The following TSPEAR variants were observed in gnomAD, a reference collection of about 807,000 sequenced individuals.
TSPEAR encodes thrombospondin type laminin G domain and EAR repeats.
Under a neutral mutation model 71.6 loss-of-function variants are expected in TSPEAR, and 69 were observed. The ratio of observed to expected loss-of-function variants is 0.96; its 90% CI spans 0.79 to 1.18. The LOEUF is 1.18. Ranked by LOEUF, TSPEAR falls within the 50% of genes most tolerant of loss-of-function variation. The pLI, the probability that TSPEAR is intolerant of heterozygous loss-of-function variation, is 0.00. For missense variants in TSPEAR, 971 were observed against 894.9 expected (o/e 1.09, Z -1.09); for synonymous variants, 402 against 387.2 (o/e 1.04, Z -0.45).
At position 44,506,284 on chromosome 21, in the gene TSPEAR, C is replaced by T. The variant is rs1236766033; in HGVS notation, c.1755-1403G>A. 6.6e-6 allele frequency among the ~76,000 whole-genome samples: 1 copy of T among 152,254 alleles called. No individual in the cohort carries two copies. Among genetic ancestry groups the T allele is most frequent in the African/African-American group, 2.4e-5 (1 of 41,462 alleles). ...CTTTCCTCCCCAGGAGCCCACCTGC[C>T]GAGCTGTCAGCGTCAGCCCCACATC... On this transcript the variant is annotated intron_variant, in intron 10 of 11. Transcript: ENST00000323084. The surrounding 1 kb of genome is among the most constrained non-coding windows in gnomAD (Gnocchi z 4.2).
chr21:44,578,823 C>T (rs887149000), intron 1 of TSPEAR, among the ~76,000 whole-genome samples: 6 of 152,214 alleles, frequency 3.9e-5, no homozygotes, highest in African/African-American at 4.8e-5. Flanking sequence ...CCTCCAGTGT[C>T]GCCCATGTCA....
intron 1 of TSPEAR, among the ~76,000 whole-genome samples, chr21:44,656,953 C>A (rs938414104): frequency 3.9e-5 from 6 of 152,148 alleles, no homozygotes; most frequent in Admixed American, 2.0e-4. Context: ...CCCAGACCCC[C>A]CCAGCATGGG....
intron 1 of TSPEAR, among the ~76,000 whole-genome samples, chr21:44,709,478 G>A (rs148552535): frequency 6.6e-6 from 1 of 152,244 alleles, no homozygotes; most frequent in Non-Finnish European, 1.5e-5. Flanking sequence ...CCTAGAAAGC[G>A]AGAGACGAGA....
Position 44,509,256 on chromosome 21 carries a change from T to C in TSPEAR, c.1697A>G (p.Tyr566Cys), listed in dbSNP as rs782088056. The C allele has an allele frequency of 4.8e-5, 78 of 1,613,992 alleles. No individual in the cohort carries two copies. Among genetic ancestry groups the C allele is most frequent in the Non-Finnish European group, 5.6e-5 (66 of 1,180,020 alleles). Residue 566 changes from tyrosine to cysteine, a missense_variant, in exon 10 of 12, where the codon TAC (tyrosine) becomes TGC (cysteine). Coordinates refer to ENST00000323084, the MANE Select transcript of TSPEAR (RefSeq NM_144991.3). ...NDSYVINSVIYELNVTAQAFV... is the reference protein window; with the variant it reads ...NDSYVINSVICELNVTAQAFV... The stretch of plus-strand genomic sequence containing the variant: ...GGCCTGCGCGGTCACGTTCAGCTCG[T>C]AGATGACGGAGTTGATGACATAGGA...
Position 44,529,985 on chromosome 21 carries a change from C to T in TSPEAR, c.634-31G>A, listed in dbSNP as rs587718675. On this transcript the variant is annotated intron_variant, in intron 4 of 11. Transcript: ENST00000323084. ...GAGAGAGGGACAGCTCCTTCAGGCC[C>T]GCGCTGCTGGGGAAGGACCCGCTGA... 1.1e-4 allele frequency: 165 copies of T among 1,535,734 alleles called. 2 individuals are homozygous for T. The highest frequency in any genetic ancestry group is 1.8e-4 in the South Asian group (14 of 79,990).
At chr21:44,646,317 C>A in intron 1 of TSPEAR, 1 of 1,217,664 alleles carries the variant, frequency 8.2e-7, no homozygotes, top group Non-Finnish European at 1.1e-6. Context: ...GGAAGAAAAG[C>A]TTGTGGAGCC....
intron 1 of TSPEAR, among the ~76,000 whole-genome samples, chr21:44,709,137 C>T (rs979885133): frequency 1.3e-5 from 2 of 152,210 alleles, no homozygotes; most frequent in Non-Finnish European, 2.9e-5. Flanking sequence ...CACCAGTGAC[C>T]CCGCCCACTG....
chr21:44,503,363 A>G (rs868927997), intron 11 of TSPEAR, among the ~76,000 whole-genome samples: 175 of 80,272 alleles, frequency 2.2e-3, no homozygotes, highest in African/African-American at 6.3e-3. Context: ...TCTGGGAGGA[A>G]GCCGGCCTCG....
intron 1 of TSPEAR, among the ~76,000 whole-genome samples, chr21:44,668,981 A>G (rs1985922890): frequency 6.6e-6 from 1 of 152,252 alleles, no homozygotes; most frequent in South Asian, 2.1e-4. Context: ...ATATTTTAAA[A>G]TCCACATGAT....
chr21:44,591,714 C>G (rs782092873), intron 1 of TSPEAR: 1 of 1,596,538 alleles, frequency 6.3e-7, no homozygotes, highest in Non-Finnish European at 8.6e-7. Flanking sequence ...AGCAAGCTGG[C>G]TGGCAGCTAG....
intron 1 of TSPEAR, among the ~76,000 whole-genome samples, chr21:44,680,378 A>G (rs1986523321): frequency 6.6e-6 from 1 of 152,254 alleles, no homozygotes; most frequent in Admixed American, 6.5e-5. Flanking sequence ...GCTATTATCA[A>G]AAAGACAAAA....
intron 1 of TSPEAR, chr21:44,702,229 G>A (rs1987683134): frequency 2.5e-6 from 4 of 1,598,732 alleles, no homozygotes; most frequent in Non-Finnish European, 3.4e-6. Context: ...CTGAGCCAGT[G>A]CTTCCACCAA....
At chr21:44,628,452 T>A (rs1446295778) in intron 1 of TSPEAR, among the ~76,000 whole-genome samples, 1 of 151,686 alleles carries the variant, frequency 6.6e-6, no homozygotes, top group Non-Finnish European at 1.5e-5. Context: ...TCTGGGGGGC[T>A]GGGCCCCGTG....
intron 10 of TSPEAR, 87 bp from the exon 11 acceptor site, chr21:44,504,968 T>C (rs2145912081): frequency 9.4e-7 from 1 of 1,062,934 alleles, no homozygotes; most frequent in East Asian, 2.4e-5. Context: ...CCAAAATTTA[T>C]AGAGGAGGAG....
intron 11 of TSPEAR, among the ~76,000 whole-genome samples, chr21:44,500,366 C>G (rs1353006932): frequency 1.3e-5 from 2 of 152,210 alleles, no homozygotes; most frequent in African/African-American, 4.8e-5. Flanking sequence ...GCTCTGCGGC[C>G]CCACGTCAGG....
intron 1 of TSPEAR, among the ~76,000 whole-genome samples, chr21:44,598,173 A>G (rs888413172): frequency 2.6e-5 from 4 of 152,134 alleles, no homozygotes; most frequent in African/African-American, 9.7e-5. Context: ...TCCGTTCTGT[A>G]TTTAGGAAAA....
chr21:44,525,704 C>T lies in TSPEAR; in HGVS notation c.1285G>A (p.Ala429Thr). The T allele has an allele frequency of 6.2e-7, 1 of 1,614,196 alleles. No homozygotes were observed. The highest frequency in any genetic ancestry group is 1.1e-5 in the South Asian group (1 of 91,070). ...IATHSARDWE[A>T]FEVDGEHFLA... ...AAGTGCTCCCCATCCACCTCGAAGG[C>T]CTCCCAGTCTCGGGCGCTGTGTGTG... Residue 429 changes from alanine to threonine, a missense_variant, in exon 8 of 12, where the codon GCC becomes ACC. By Grantham distance (58) the Ala-to-Thr change is moderately conservative. Transcript: ENST00000323084.
chr21:44,557,382 T>C (rs1331704414), intron 2 of TSPEAR, among the ~76,000 whole-genome samples: 6 of 152,144 alleles, frequency 3.9e-5, no homozygotes, highest in African/African-American at 1.4e-4. Flanking sequence ...ACTTCAGGCA[T>C]TGGGATGACC....
chr21:44,549,795 C>A (rs1352870259), intron 2 of TSPEAR, among the ~76,000 whole-genome samples: 1 of 152,230 alleles, frequency 6.6e-6, no homozygotes, highest in Non-Finnish European at 1.5e-5. Flanking sequence ...CCTTGCTGTT[C>A]CCACCGGCCC....
Sources: allele counts gnomAD v4.1 joint callset (sites outside exome capture counted in the v4.1 genomes callset), GRCh38; gene constraint gnomAD v4.1.1; non-coding constraint Gnocchi (gnomAD v3.1); transcripts MANE v1.5; gene names NCBI Gene and HGNC (gene_info 2026-07-23, HGNC 2026-07-21).